Variants in LRRC7 observed in about 807,000 individuals in gnomAD.
LRRC7 encodes leucine-rich repeat-containing protein 7.
A neutral mutation model predicts 175.7 loss-of-function variants in LRRC7; 23 were observed. The observed-to-expected ratio is 0.13, with a 90% CI of 0.09 to 0.19. The LOEUF is 0.19. Among genes scored for constraint, LRRC7 ranks in the 10% least tolerant of loss-of-function variants. LRRC7 has a pLI of 1.00. For synonymous variants in LRRC7, 685 were observed against 680.9 expected (o/e 1.01, Z -0.09); for missense variants, 1,354 against 1,904.7 (o/e 0.71, Z 5.38).
Position 70,121,699 on chromosome 1 carries a change from C to T in LRRC7, c.4621-81C>T, listed in dbSNP as rs376013335. 4.6e-5 allele frequency: 41 copies of T among 886,736 alleles called. No homozygotes were observed. In the African/African-American group the frequency reaches 6.0e-4, roughly 13 times the overall value. The allele number at this position is 886,736 out of a possible 1,614,324, so 54.9% of individuals were successfully genotyped here. On this transcript the variant is annotated intron_variant, in intron 26 of 26. Coordinates refer to ENST00000651989, the MANE Select transcript of LRRC7 (RefSeq NM_001370785.2). Reference sequence around the variant, plus strand: ...TGACAACTTTTTGTTGCTCAGTGCTCCCGTGAATTTTATGAATAGAAACAA... The same window carrying T: ...TGACAACTTTTTGTTGCTCAGTGCTTCCGTGAATTTTATGAATAGAAACAA...
intron 23 of LRRC7, among the ~76,000 whole-genome samples, chr1:70,069,971 T>C (rs577213019): frequency 2.2e-4 from 34 of 152,296 alleles, no homozygotes; most frequent in African/African-American, 7.7e-4. Flanking sequence ...ATATCTTCTG[T>C]TTCTTTGCTG....
At chr1:69,874,001 G>T (rs956486080) in intron 7 of LRRC7, 1 of 152,062 alleles carries the variant, frequency 6.6e-6, no homozygotes, top group African/African-American at 2.4e-5. Flanking sequence ...TTCAGAGACC[G>T]AATATAATTG....
chr1:69,755,712 A>C (rs924271599), intron 2 of LRRC7, among the ~76,000 whole-genome samples: 5 of 151,902 alleles, frequency 3.3e-5, no homozygotes, highest in Non-Finnish European at 5.9e-5. Flanking sequence ...GAAGAGACTT[A>C]GTATTGAAAA....
At chr1:70,108,994 G>A (rs1665332882) in intron 26 of LRRC7, among the ~76,000 whole-genome samples, 1 of 151,366 alleles carries the variant, frequency 6.6e-6, no homozygotes, top group Admixed American at 6.6e-5. Context: ...GTGGTGTTTT[G>A]TTCTGTTGTT....
chr1:69,930,846 C>T (rs1647294852), intron 7 of LRRC7, among the ~76,000 whole-genome samples: 1 of 151,166 alleles, frequency 6.6e-6, no homozygotes, highest in African/African-American at 2.5e-5. Flanking sequence ...CTTCAGATCT[C>T]ATGAGAATTC....
rs1369587107 is a variant in LRRC7, at chr1:70,125,045, TATG to T, written c.*3161_*3163del. 1.3e-5 allele frequency among the ~76,000 whole-genome samples: 2 copies of T among 152,262 alleles called. No homozygotes were observed. The highest frequency in any genetic ancestry group is 4.8e-5 in the African/African-American group (2 of 41,482). ...TAATATTTTGTCATTAAAGCTCTGCTATGATAACTCCAGCCTTCTGATGACAAC... is the reference window on the plus strand; with the variant it reads ...TAATATTTTGTCATTAAAGCTCTGCTATAACTCCAGCCTTCTGATGACAAC... On this transcript the variant is annotated 3_prime_UTR_variant, in exon 27 of 27. Coordinates refer to ENST00000651989, the MANE Select transcript of LRRC7 (RefSeq NM_001370785.2).
intron 6 of LRRC7, among the ~76,000 whole-genome samples, chr1:69,835,278 T>G (rs111448385): frequency 6.6e-5 from 10 of 151,900 alleles, no homozygotes; most frequent in African/African-American, 2.4e-4. Flanking sequence ...AATCAAAGAT[T>G]TAAGGTAAAA....
At chr1:69,761,871 CA>C (rs1671074199) in intron 3 of LRRC7, among the ~76,000 whole-genome samples, 1 of 151,876 alleles carries the variant, frequency 6.6e-6, no homozygotes, top group Non-Finnish European at 1.5e-5. Context: ...ACTTGATTAG[CA>C]AAAGTATATA....
At chr1:69,739,082 A>G (rs1230246977) in intron 2 of LRRC7, among the ~76,000 whole-genome samples, 2 of 152,106 alleles carry the variant, frequency 1.3e-5, no homozygotes, top group African/African-American at 2.4e-5. Context: ...GTAGCTGGTC[A>G]CTATGGTAAC....
intron 3 of LRRC7, among the ~76,000 whole-genome samples, chr1:69,771,517 C>A (rs1026761057): frequency 2.0e-5 from 3 of 152,040 alleles, no homozygotes; most frequent in Non-Finnish European, 4.4e-5. Context: ...CTAACATTTA[C>A]CCAAATATCA....
chr1:69,829,152 C>A (rs924031718), intron 5 of LRRC7, among the ~76,000 whole-genome samples: 1 of 151,846 alleles, frequency 6.6e-6, no homozygotes. Flanking sequence ...ATCTGAGCAG[C>A]AGATATTAGT....
At chr1:69,763,996 T>C (rs1671328408) in intron 3 of LRRC7, among the ~76,000 whole-genome samples, 1 of 151,856 alleles carries the variant, frequency 6.6e-6, no homozygotes. Context: ...ATACAATGGG[T>C]AGAGAACAAA....
chr1:70,076,227 C>T lies in LRRC7; in HGVS notation c.4381C>T (p.Arg1461Trp), dbSNP rs199872098. The T allele has an allele frequency of 8.1e-6, 13 of 1,614,042 alleles. No homozygotes were observed. The East Asian group carries it at 8.9e-5, about 11-fold the overall frequency. ...TCAGATCCCCTCTTCACAGGCCACCCGGGGACCTCAGCCTGGACGGTGCTT... is the reference window on the plus strand; with the variant it reads ...TCAGATCCCCTCTTCACAGGCCACCTGGGGACCTCAGCCTGGACGGTGCTT... ...PIQIPSSQAT[R>W]GPQPGRCLIQ... The change falls in exon 24 of 27, where the codon CGG becomes TGG. Residue 1461 changes from arginine (R) to tryptophan (W), a missense_variant. Physicochemically the swap from Arg to Trp is moderately radical, Grantham distance 101. Coordinates refer to ENST00000651989, the MANE Select transcript of LRRC7 (RefSeq NM_001370785.2).
chr1:70,071,087 T>A (rs1571236944), intron 23 of LRRC7, among the ~76,000 whole-genome samples: 2 of 152,212 alleles, frequency 1.3e-5, no homozygotes, highest in African/African-American at 2.4e-5. Context: ...CAGTTTTTTT[T>A]ATGGTATTCA....
intron 1 of LRRC7, among the ~76,000 whole-genome samples, chr1:69,627,437 T>C (rs1429137032): frequency 6.6e-6 from 1 of 152,212 alleles, no homozygotes; most frequent in Non-Finnish European, 1.5e-5. Flanking sequence ...TTTTTTCTTT[T>C]AAATTTGTTT....
At chr1:69,667,431 G>T (rs2100557982) in intron 1 of LRRC7, among the ~76,000 whole-genome samples, 1 of 152,086 alleles carries the variant, frequency 6.6e-6, no homozygotes, top group African/African-American at 2.4e-5. Context: ...TATTGTGTTG[G>T]GTTCTATCTC....
intron 1 of LRRC7, among the ~76,000 whole-genome samples, chr1:69,579,109 T>C (rs1275186338): frequency 6.6e-6 from 1 of 152,114 alleles, no homozygotes; most frequent in Non-Finnish European, 1.5e-5. Flanking sequence ...AGAAACTTTA[T>C]TGGGTGTCAA....
chr1:69,758,380 G>A (rs1299316552), intron 2 of LRRC7, among the ~76,000 whole-genome samples: 1 of 152,002 alleles, frequency 6.6e-6, no homozygotes, highest in Non-Finnish European at 1.5e-5. Flanking sequence ...ATTTATTCAT[G>A]AACCTGTCCC....
At chr1:69,819,738 G>A (rs1244825326) in intron 4 of LRRC7, among the ~76,000 whole-genome samples, 1 of 151,466 alleles carries the variant, frequency 6.6e-6, no homozygotes, top group Non-Finnish European at 1.5e-5. Flanking sequence ...TCTGATATTG[G>A]GTGCATATAT....
Sources: allele counts gnomAD v4.1 joint callset (sites outside exome capture counted in the v4.1 genomes callset), GRCh38; gene constraint gnomAD v4.1.1; transcripts MANE v1.5; gene names NCBI Gene and HGNC (gene_info 2026-07-23, HGNC 2026-07-21).